ARHGEF28: variants seen among roughly 807,000 people sequenced by gnomAD.
ARHGEF28 encodes the protein 190 kDa guanine nucleotide exchange factor.
ARHGEF28 carries 152 observed loss-of-function variants against 206.6 expected under a neutral mutation model. That is an observed-to-expected ratio of 0.74 (90% CI 0.64 to 0.84). The LOEUF (loss-of-function observed/expected upper bound fraction) is 0.84. Ranked by LOEUF, ARHGEF28 falls within the 40% of genes least tolerant of loss-of-function variation. The probability of loss-of-function intolerance (pLI) is 0.00; values close to 1 mark genes in which losing one functional copy is unlikely to be tolerated. For synonymous variants in ARHGEF28, 763 were observed against 776.4 expected (o/e 0.98, Z 0.29); for missense variants, 2,028 against 2,073.2 (o/e 0.98, Z 0.42).
chr5:73,917,740 G>A (rs1314998416), intron 35 of ARHGEF28, among the ~76,000 whole-genome samples: 9 of 152,232 alleles, frequency 5.9e-5, no homozygotes, highest in Admixed American at 5.9e-4. Context: ...CACATGGTGT[G>A]AATGCTCCAG....
intron 7 of ARHGEF28, among the ~76,000 whole-genome samples, chr5:73,782,204 C>T (rs1002354019): frequency 2.0e-5 from 3 of 151,230 alleles, no homozygotes; most frequent in East Asian, 1.9e-4. Flanking sequence ...TTTGGGAGGC[C>T]GAGGTGGGTG....
At chr5:73,653,876 G>A (rs531952992) in intron 1 of ARHGEF28, among the ~76,000 whole-genome samples, 1 of 152,330 alleles carries the variant, frequency 6.6e-6, no homozygotes, top group African/African-American at 2.4e-5. Context: ...ATAGCACAGA[G>A]GTGGAAGTGT....
chr5:73,854,852 A>AAAC (rs138860206), intron 14 of ARHGEF28, among the ~76,000 whole-genome samples: 13 of 151,824 alleles, frequency 8.6e-5, no homozygotes, highest in South Asian at 2.1e-4. Context: ...AAAAACCCAA[A>AAAC]AACAACAACA....
intron 13 of ARHGEF28, among the ~76,000 whole-genome samples, chr5:73,850,529 G>T (rs940954779): frequency 6.6e-6 from 1 of 152,072 alleles, no homozygotes; most frequent in African/African-American, 2.4e-5. Context: ...GATAGTCCCA[G>T]CTGATGAATT....
chr5:73,638,925 C>T (rs1181945144), intron 1 of ARHGEF28, among the ~76,000 whole-genome samples: 1 of 151,980 alleles, frequency 6.6e-6, no homozygotes, highest in Non-Finnish European at 1.5e-5. Flanking sequence ...GGTTGATTTC[C>T]CCACTGATAT....
intron 33 of ARHGEF28, 48 bp downstream of exon 33, chr5:73,904,453 G>T (rs1360941040): frequency 8.5e-6 from 13 of 1,531,998 alleles, no homozygotes; most frequent in Non-Finnish European, 9.8e-6. Flanking sequence ...TTCTCTTAAT[G>T]CAATTCTCTT....
At chr5:73,635,512 C>G (rs754146217) in intron 1 of ARHGEF28, among the ~76,000 whole-genome samples, 8 of 152,114 alleles carry the variant, frequency 5.3e-5, no homozygotes, top group Non-Finnish European at 1.0e-4. Context: ...TTGGTTGTTT[C>G]TATAAACTGT....
chr5:73,800,373 A>G (rs1755058255), intron 9 of ARHGEF28, among the ~76,000 whole-genome samples: 1 of 152,178 alleles, frequency 6.6e-6, no homozygotes, highest in African/African-American at 2.4e-5. Flanking sequence ...TCCTATGCAC[A>G]AGTATTTATT....
At chr5:73,686,101 C>G (rs987806066) in intron 2 of ARHGEF28, among the ~76,000 whole-genome samples, 1 of 152,164 alleles carries the variant, frequency 6.6e-6, no homozygotes, top group African/African-American at 2.4e-5. Context: ...AGTAGAAAAG[C>G]TGCCCCTTGA....
At chr5:73,878,472 G>A (rs576238158) in intron 22 of ARHGEF28, among the ~76,000 whole-genome samples, 2 of 151,974 alleles carry the variant, frequency 1.3e-5, no homozygotes, top group African/African-American at 4.8e-5. Flanking sequence ...TCATTATGAT[G>A]TTAGCTGGTT....
At chr5:73,742,725 G>A (rs1372236346) in intron 2 of ARHGEF28, among the ~76,000 whole-genome samples, 4 of 150,248 alleles carry the variant, frequency 2.7e-5, no homozygotes, top group African/African-American at 9.8e-5. Context: ...TCGGGAGGCT[G>A]AGGCAGGAGA....
At chr5:73,637,189 G>A (rs1413013368) in intron 1 of ARHGEF28, among the ~76,000 whole-genome samples, 1 of 152,106 alleles carries the variant, frequency 6.6e-6, no homozygotes, top group Non-Finnish European at 1.5e-5. Flanking sequence ...GTGAGGCTGG[G>A]TGGAGAATAT....
intron 2 of ARHGEF28, among the ~76,000 whole-genome samples, chr5:73,699,565 A>C (rs890152815): frequency 3.3e-5 from 5 of 152,194 alleles, no homozygotes; most frequent in Admixed American, 2.0e-4. Context: ...GTTGTGGAGT[A>C]ACATATACGG....
chr5:73,762,480 A>AAAAC (rs1561386262), intron 4 of ARHGEF28, among the ~76,000 whole-genome samples: 2 of 150,780 alleles, frequency 1.3e-5, no homozygotes, highest in African/African-American at 4.9e-5. Flanking sequence ...AAAAAACAAA[A>AAAAC]CAACAACAAC....
rs114770806 is a variant in ARHGEF28 at position 73,679,858 on chromosome 5, T to A, written c.-11-4983T>A. Among the ~76,000 whole-genome samples, 755 of 152,294 alleles carry A rather than the reference T, an allele frequency of 5.0e-3. 5 individuals are homozygous for A. Among genetic ancestry groups the A allele is most frequent in the African/African-American group, 0.018 (734 of 41,568 alleles). On this transcript the variant is annotated intron_variant, in intron 1 of 35. Transcript: ENST00000513042. ...CCACAATATAACCAGCACGTCTCAATGTAGTATAGATTTTTATGGTTACTT... is the reference window on the plus strand; with the variant it reads ...CCACAATATAACCAGCACGTCTCAAAGTAGTATAGATTTTTATGGTTACTT...
At chr5:73,827,577 C>T (rs1756989313) in intron 9 of ARHGEF28, among the ~76,000 whole-genome samples, 1 of 152,166 alleles carries the variant, frequency 6.6e-6, no homozygotes, top group Admixed American at 6.5e-5. Context: ...TAACTTGCCC[C>T]AGTCACACAG....
chr5:73,759,277 T>C (rs1580578308), intron 4 of ARHGEF28, among the ~76,000 whole-genome samples: 1 of 152,184 alleles, frequency 6.6e-6, no homozygotes, highest in African/African-American at 2.4e-5. Flanking sequence ...AGAGAAATGA[T>C]TTGTTAGTTT....
chr5:73,802,165 G>T (rs960285798), intron 9 of ARHGEF28, among the ~76,000 whole-genome samples: 1 of 152,150 alleles, frequency 6.6e-6, no homozygotes, highest in African/African-American at 2.4e-5. Flanking sequence ...ACTTTGGGGG[G>T]AAAAAGTGTT....
Position 73,792,948 on chromosome 5 carries a change from G to C in ARHGEF28, c.911-1454G>C, listed in dbSNP as rs1005676236. Reference sequence around the variant, plus strand: ...TGCTGCCACCTGGAGGCCTTCTGTGGGATGTGCATTTAAAGGCCGGCAGGG... The same window carrying C: ...TGCTGCCACCTGGAGGCCTTCTGTGCGATGTGCATTTAAAGGCCGGCAGGG... On this transcript the variant is annotated intron_variant, in intron 7 of 35. Transcript: ENST00000513042. Among the ~76,000 whole-genome samples the C allele has an allele frequency of 1.1e-4, 16 of 152,274 alleles. 1 individual carries two copies. The South Asian group carries it at 3.3e-3, about 32-fold the overall frequency.
Sources: gnomAD v4.1 joint callset for allele counts (sites outside exome capture counted in the v4.1 genomes callset) on GRCh38, gnomAD v4.1.1 for gene constraint, MANE v1.5 for transcripts, NCBI Gene and HGNC (gene_info 2026-07-23, HGNC 2026-07-21) for gene names.